Variants in TOMM34 observed in about 807,000 individuals in gnomAD.
TOMM34 encodes mitochondrial import receptor subunit TOM34.
TOMM34 carries 24 observed loss-of-function variants against 37.4 expected under a neutral mutation model. The observed-to-expected ratio is 0.64, with a 90% CI of 0.46 to 0.90. The LOEUF (loss-of-function observed/expected upper bound fraction) is 0.90, where lower values mean the gene tolerates loss of function less well. TOMM34 is among the 40% of genes least tolerant of loss of function. The pLI, the probability that TOMM34 is intolerant of heterozygous loss-of-function variation, is 0.00. For synonymous variants in TOMM34, 154 were observed against 148.9 expected (o/e 1.03, Z -0.25); for missense variants, 304 against 375.6 (o/e 0.81, Z 1.58).
chr20:44,957,306 C>T (rs887657977), intron 1 of TOMM34, among the ~76,000 whole-genome samples: 1 of 152,094 alleles, frequency 6.6e-6, no homozygotes, highest in Non-Finnish European at 1.5e-5. Flanking sequence ...CCTGCCTCAG[C>T]CTCAGCCTCC....
intron 5 of TOMM34, among the ~76,000 whole-genome samples, chr20:44,944,068 AAC>A (rs1387626924): frequency 2.0e-5 from 3 of 152,218 alleles, no homozygotes; most frequent in Non-Finnish European, 4.4e-5. Flanking sequence ...AAGTGCATCA[AAC>A]ACAATAATAC....
chr20:44,950,790 T>C (rs1042766948), intron 4 of TOMM34, among the ~76,000 whole-genome samples: 1 of 152,168 alleles, frequency 6.6e-6, no homozygotes, highest in Non-Finnish European at 1.5e-5. Context: ...CTAACACCTA[T>C]AGGTCACTTA....
At chr20:44,960,027 G>C (rs1472589939) in intron 1 of TOMM34, 180 bp downstream of exon 1, 1 of 984,626 alleles carries the variant, frequency 1.0e-6, no homozygotes. Flanking sequence ...GGCCAACAGG[G>C]CAGTTAACAA....
chr20:44,943,288 T>G (rs2066951442), intron 6 of TOMM34, 75 bp from the exon 7 acceptor site: 1 of 1,600,544 alleles, frequency 6.2e-7, no homozygotes, highest in Non-Finnish European at 8.6e-7. Flanking sequence ...GGCAGCAAAG[T>G]GTTTTCAAAC....
At chr20:44,949,161 T>C (rs1356280501) in intron 4 of TOMM34, among the ~76,000 whole-genome samples, 1 of 152,210 alleles carries the variant, frequency 6.6e-6, no homozygotes, top group African/African-American at 2.4e-5. Flanking sequence ...GTTCTAGCCT[T>C]GGCACTGCCT....
chr20:44,959,694 A>G (rs1320228010), intron 1 of TOMM34, among the ~76,000 whole-genome samples: 1 of 151,910 alleles, frequency 6.6e-6, no homozygotes. Context: ...TTTAGACATC[A>G]CCTCAAATAT....
rs561930577 is a variant in TOMM34 at position 44,942,931 on chromosome 20, A to C, written c.*178T>G. On this transcript the variant is annotated 3_prime_UTR_variant, in exon 7 of 7. Transcript: ENST00000372813. ...AACAACCATGTCTGTGTTTGACTAC[A>C]CTGAGTTTAATTTGAACAAGCAAAG... is the stretch of plus-strand genomic sequence containing the variant. 8.0e-6 allele frequency: 5 copies of C among 625,220 alleles called. No homozygotes were observed. The highest frequency in any genetic ancestry group is 1.4e-5 in the Non-Finnish European group (5 of 349,776). 38.7% of individuals were successfully genotyped at this position (625,220 alleles called of 1,614,324 possible).
At position 44,953,611 on chromosome 20, in the gene TOMM34, A is replaced by T. The variant is rs531140931; in HGVS notation, c.380+1457T>A. Among the ~76,000 whole-genome samples the T allele has an allele frequency of 4.6e-5, 7 of 152,304 alleles. No homozygotes were observed. In the South Asian group the frequency reaches 1.4e-3, roughly 32 times the overall value. On this transcript the variant is annotated intron_variant, in intron 3 of 6. Transcript: ENST00000372813. ...CTTCCTTTGTTCCATGTAAATACCCAACCGTCCTACTTAGATCTCTAGTCT... is the reference window on the plus strand; with the variant it reads ...CTTCCTTTGTTCCATGTAAATACCCTACCGTCCTACTTAGATCTCTAGTCT...
chr20:44,959,966 T>C (rs1309690083), intron 1 of TOMM34: 2 of 984,916 alleles, frequency 2.0e-6, no homozygotes, highest in Non-Finnish European at 2.4e-6. Context: ...GGGAGGAGGG[T>C]TTAGCTTTCT....
Position 44,960,013 on chromosome 20 carries a change from T to C in TOMM34, c.127+194A>G, listed in dbSNP as rs148188066. Reference sequence around the variant, plus strand: ...AGAACGAGGCCTAAATAACTTAGGATGGGGGCCAACAGGGCAGTTAACAAG... The same window carrying C: ...AGAACGAGGCCTAAATAACTTAGGACGGGGGCCAACAGGGCAGTTAACAAG... On this transcript the variant is annotated intron_variant, in intron 1 of 6. Transcript: ENST00000372813. 9.2e-3 allele frequency: 9,001 copies of C among 976,826 alleles called. 46 individuals are homozygous for C. The highest frequency in any genetic ancestry group is 0.027 in the Middle Eastern group (51 of 1,900). 60.5% of individuals were successfully genotyped at this position (976,826 alleles called of 1,614,324 possible).
In TOMM34 at chr20:44,943,013, T is replaced by C; in HGVS notation, c.*96A>G. The C allele has an allele frequency of 8.4e-7, 1 of 1,192,420 alleles. No individual in the cohort carries two copies. Among genetic ancestry groups the C allele is most frequent in the African/African-American group, 1.5e-5 (1 of 66,650 alleles). The allele number at this position is 1,192,420 out of a possible 1,614,324, so 73.9% of individuals were successfully genotyped here. A position where few individuals can be genotyped will look rare whatever the true frequency, so the allele number is the denominator to read the frequency against. ...TGAGGAGGGGGCTTCAGAGCTCACT[T>C]GGGGCATGCTGGGTTTCAGGAGCGG... On this transcript the variant is annotated 3_prime_UTR_variant, in exon 7 of 7. Coordinates refer to ENST00000372813, the MANE Select transcript of TOMM34 (RefSeq NM_006809.5).
rs930479087 is a variant in TOMM34, at chr20:44,951,833, C to T, written c.550G>A (p.Val184Met). The T allele has an allele frequency of 6.2e-7, 1 of 1,613,350 alleles. No homozygotes were observed. The highest frequency in any genetic ancestry group is 8.5e-7 in the Non-Finnish European group (1 of 1,179,554). The change falls in exon 4 of 7, where the codon GTG (valine) becomes ATG (methionine). Residue 184 changes from valine (V) to methionine (M), a missense_variant and splice_region_variant. Coordinates refer to ENST00000372813, the MANE Select transcript of TOMM34 (RefSeq NM_006809.5). Reference protein sequence around the residue: ...SKETTATKNRVPSAGDVEKAR... With the variant: ...SKETTATKNRMPSAGDVEKAR... Reference sequence around the variant, plus strand: ...CTCTGGGCAGGGAGTCACAGCTCACCTCTGTTCTTTGTAGCTGTGGTTTCT... The same window carrying T: ...CTCTGGGCAGGGAGTCACAGCTCACTTCTGTTCTTTGTAGCTGTGGTTTCT...
intron 5 of TOMM34, 77 bp from the exon 6 acceptor site, chr20:44,943,656 T>C: frequency 1.3e-6 from 2 of 1,597,068 alleles, no homozygotes; most frequent in Admixed American, 3.4e-5. Context: ...GTTTGAGAAG[T>C]GATCTCCAAT....
In TOMM34 at chr20:44,943,070, G is replaced by A. The variant is rs1568657013; in HGVS notation, c.*39C>T. The A allele has an allele frequency of 3.1e-6, 5 of 1,605,592 alleles. No homozygotes were observed. The highest frequency in any genetic ancestry group is 4.3e-6 in the Non-Finnish European group (5 of 1,173,188). On this transcript the variant is annotated 3_prime_UTR_variant, in exon 7 of 7. Transcript: ENST00000372813. ...AGCAGGTGGCCCATGGCTTCTCTGG[G>A]TAAGGTCAGGCAGGGGTTCCAGTTG...
At chr20:44,956,149 T>C (rs2067070576) in intron 2 of TOMM34, among the ~76,000 whole-genome samples, 1 of 152,174 alleles carries the variant, frequency 6.6e-6, no homozygotes, top group African/African-American at 2.4e-5. Flanking sequence ...TGCTTCTAAC[T>C]GCCCATCCCA....
At position 44,942,564 on chromosome 20, in the gene TOMM34, T is replaced by C. The variant is rs538214689; in HGVS notation, c.*545A>G. 24 of 156,476 alleles carry C rather than the reference T, an allele frequency of 1.5e-4. No individual in the cohort carries two copies. The highest frequency in any genetic ancestry group is 2.3e-4 in the Non-Finnish European group (16 of 70,592). The allele number at this position is 156,476 out of a possible 1,614,324, so 9.7% of individuals were successfully genotyped here. Reference sequence around the variant, plus strand: ...AACAGAAGGCACTGGGGCTCAGACATAGGAGACTGTGCAAGGACAGGACAG... The same window carrying C: ...AACAGAAGGCACTGGGGCTCAGACACAGGAGACTGTGCAAGGACAGGACAG... On this transcript the variant is annotated 3_prime_UTR_variant, in exon 7 of 7. Coordinates refer to ENST00000372813, the MANE Select transcript of TOMM34 (RefSeq NM_006809.5).
At chr20:44,957,498 T>C (rs2067084445) in intron 1 of TOMM34, among the ~76,000 whole-genome samples, 1 of 152,180 alleles carries the variant, frequency 6.6e-6, no homozygotes, top group Non-Finnish European at 1.5e-5. Flanking sequence ...TTTTTAAAGA[T>C]AATTTTCAAC....
chr20:44,959,906 G>A, intron 1 of TOMM34: 1 of 983,158 alleles, frequency 1.0e-6, no homozygotes, highest in Non-Finnish European at 1.2e-6. Context: ...TACACAGGCG[G>A]TATATAACAG....
chr20:44,947,458 G>A (rs975481959), intron 5 of TOMM34, among the ~76,000 whole-genome samples: 1 of 152,142 alleles, frequency 6.6e-6, no homozygotes. Context: ...CACTGCTGGG[G>A]TGTTACATAA....
Sources: allele counts gnomAD v4.1 joint callset (sites outside exome capture counted in the v4.1 genomes callset), GRCh38; gene constraint gnomAD v4.1.1; transcripts MANE v1.5; gene names NCBI Gene and HGNC (gene_info 2026-07-23, HGNC 2026-07-21).